The following CDK17 variants were observed in gnomAD, a reference collection of about 807,000 sequenced individuals.
CDK17 encodes the protein cyclin-dependent kinase 17.
A neutral mutation model predicts 77.6 loss-of-function variants in CDK17; 24 were observed. That is an observed-to-expected ratio of 0.31 (90% CI 0.22 to 0.44). The LOEUF (loss-of-function observed/expected upper bound fraction) is 0.44, where lower values mean the gene tolerates loss of function less well. Ranked by LOEUF, CDK17 falls within the 20% of genes least tolerant of loss-of-function variation. CDK17 has a pLI of 1.00. For synonymous variants in CDK17, 203 were observed against 210.4 expected, an observed-to-expected ratio of 0.96 and a Z score of 0.30; for missense variants, 429 against 622.5, an observed-to-expected ratio of 0.69 and a Z score of 3.31.
intron 1 of CDK17, among the ~76,000 whole-genome samples, chr12:96,374,057 A>G (rs1173635772): frequency 6.6e-6 from 1 of 152,236 alleles, no homozygotes; most frequent in Non-Finnish European, 1.5e-5. Flanking sequence ...TTGCCACTGT[A>G]TACTCCCAAA....
chr12:96,392,977 G>A (rs531405526), intron 1 of CDK17, among the ~76,000 whole-genome samples: 4 of 152,196 alleles, frequency 2.6e-5, no homozygotes, highest in Admixed American at 6.5e-5. Flanking sequence ...TATTGAGGAC[G>A]TAACAAATGC....
intron 1 of CDK17, among the ~76,000 whole-genome samples, chr12:96,394,711 C>T (rs946828924): frequency 4.7e-5 from 7 of 149,512 alleles, no homozygotes; most frequent in Middle Eastern, 3.5e-3. Flanking sequence ...CCAGCTACTC[C>T]GGAGGCTGAG....
chr12:96,375,577 C>G (rs1376755796), intron 1 of CDK17, among the ~76,000 whole-genome samples: 1 of 145,880 alleles, frequency 6.9e-6, no homozygotes, highest in African/African-American at 2.6e-5. Context: ...TACAATGGCG[C>G]GATCTCAGCT....
chr12:96,332,364 G>C (rs558777599), intron 2 of CDK17, among the ~76,000 whole-genome samples: 1 of 152,274 alleles, frequency 6.6e-6, no homozygotes, highest in African/African-American at 2.4e-5. Flanking sequence ...TGGCATTAAA[G>C]CTCACTTTTG....
rs186951466 is a variant in CDK17, at chr12:96,363,827, C to T, written c.-29-28962G>A. Among the ~76,000 whole-genome samples, 1,242 of 152,266 alleles carry T rather than the reference C, an allele frequency of 8.2e-3. 11 individuals carry two copies. Among genetic ancestry groups the T allele is most frequent in the Non-Finnish European group, 0.014 (942 of 68,006 alleles). On this transcript the variant is annotated intron_variant, in intron 1 of 16. Coordinates refer to ENST00000261211, the MANE Select transcript of CDK17 (RefSeq NM_002595.5). Reference sequence around the variant, plus strand: ...ACATGCCACTGCACTCCAGCATGGGCGACAGAACGAGACTCTGTCTCAAAA... The same window carrying T: ...ACATGCCACTGCACTCCAGCATGGGTGACAGAACGAGACTCTGTCTCAAAA...
At chr12:96,392,423 G>A (rs1412640232) in intron 1 of CDK17, among the ~76,000 whole-genome samples, 1 of 152,020 alleles carries the variant, frequency 6.6e-6, no homozygotes, top group Non-Finnish European at 1.5e-5. Context: ...GAAAGAATAT[G>A]GTTAGATTAA....
chr12:96,311,811 T>C (rs1952648822), intron 4 of CDK17, among the ~76,000 whole-genome samples: 1 of 151,730 alleles, frequency 6.6e-6, no homozygotes, highest in African/African-American at 2.4e-5. Context: ...TGCCACCAAA[T>C]GGTAAGAATA....
chr12:96,374,083 T>C (rs1015268026), intron 1 of CDK17, among the ~76,000 whole-genome samples: 13 of 152,208 alleles, frequency 8.5e-5, no homozygotes, highest in Non-Finnish European at 1.8e-4. Flanking sequence ...AACATCTGAT[T>C]TATGTTCTGT....
At chr12:96,306,771 C>T (rs1952582400) in intron 5 of CDK17, among the ~76,000 whole-genome samples, 1 of 151,996 alleles carries the variant, frequency 6.6e-6, no homozygotes, top group South Asian at 2.1e-4. Flanking sequence ...TTTCTTTTTC[C>T]CACTCCTTTT....
At chr12:96,383,232 C>T (rs1451981433) in intron 1 of CDK17, among the ~76,000 whole-genome samples, 1 of 151,978 alleles carries the variant, frequency 6.6e-6, no homozygotes, top group Non-Finnish European at 1.5e-5. Context: ...AGAATAACAA[C>T]TACAAAACAC....
intron 4 of CDK17, among the ~76,000 whole-genome samples, chr12:96,311,548 C>T (rs1318988618): frequency 1.1e-5 from 1 of 92,030 alleles, no homozygotes; most frequent in East Asian, 4.4e-4. Context: ...ATCTTGTATG[C>T]AACATGGGGA....
chr12:96,300,206 C>T (rs1952477397), intron 6 of CDK17, 98 bp downstream of exon 6: 4 of 809,834 alleles, frequency 4.9e-6, no homozygotes, highest in Admixed American at 2.1e-5. Context: ...GACATCAGTA[C>T]TTACGTTTTT....
chr12:96,329,867 T>C (rs532696418), intron 2 of CDK17, among the ~76,000 whole-genome samples: 112 of 152,340 alleles, frequency 7.4e-4, no homozygotes, highest in Non-Finnish European at 1.2e-3. Context: ...ATTGCTCCAG[T>C]GTACAAACGG....
intron 1 of CDK17, among the ~76,000 whole-genome samples, chr12:96,360,752 G>C (rs1224810825): frequency 1.3e-5 from 2 of 152,184 alleles, no homozygotes; most frequent in Non-Finnish European, 2.9e-5. Context: ...AGGATACCAA[G>C]AACAGGGAAA....
chr12:96,318,852 G>T (rs1434018180), intron 3 of CDK17, among the ~76,000 whole-genome samples: 1 of 85,768 alleles, frequency 1.2e-5, no homozygotes, highest in East Asian at 3.3e-4. Flanking sequence ...AAGCAGGAAA[G>T]ATCCAAAATT....
chr12:96,330,538 A>G (rs1449724454), intron 2 of CDK17, among the ~76,000 whole-genome samples: 2 of 152,136 alleles, frequency 1.3e-5, no homozygotes, highest in Non-Finnish European at 2.9e-5. Flanking sequence ...TTTTCTCCCT[A>G]TCAGCCTCTG....
chr12:96,397,706 G>A (rs778148360), intron 1 of CDK17, among the ~76,000 whole-genome samples: 1 of 151,966 alleles, frequency 6.6e-6, no homozygotes, highest in South Asian at 2.1e-4. Flanking sequence ...TTTCCATCTA[G>A]TAACACTGAA....
intron 1 of CDK17, among the ~76,000 whole-genome samples, chr12:96,374,460 T>C (rs1021025902): frequency 1.3e-5 from 2 of 152,324 alleles, no homozygotes; most frequent in African/African-American, 4.8e-5. Context: ...GAGTGCTTCA[T>C]TGCCTCAAAG....
chr12:96,318,656 C>A (rs1375174829), intron 3 of CDK17, among the ~76,000 whole-genome samples: 3 of 141,908 alleles, frequency 2.1e-5, no homozygotes, highest in South Asian at 2.4e-4. Flanking sequence ...CACTCAAAAC[C>A]GCTCAACTAC....
Sources: gnomAD v4.1 joint callset for allele counts (sites outside exome capture counted in the v4.1 genomes callset) on GRCh38, gnomAD v4.1.1 for gene constraint, MANE v1.5 for transcripts, NCBI Gene and HGNC (gene_info 2026-07-23, HGNC 2026-07-21) for gene names.